The following CDH18 variants were observed in gnomAD, a reference collection of about 807,000 sequenced individuals.
CDH18 encodes cadherin-18.
CDH18 carries 31 observed loss-of-function variants against 67.9 expected under a neutral mutation model. That is an observed-to-expected ratio of 0.46 (90% CI 0.34 to 0.62). The LOEUF (loss-of-function observed/expected upper bound fraction) is 0.62. CDH18 is among the 20% of genes least tolerant of loss of function. The pLI is 0.01. For missense variants in CDH18, 890 were observed against 975.5 expected, an observed-to-expected ratio of 0.91 and a Z score of 1.17; for synonymous variants, 362 against 347.2, an observed-to-expected ratio of 1.04 and a Z score of -0.48.
At chr5:20,394,882 G>A (rs1378600617) in intron 1 of CDH18, among the ~76,000 whole-genome samples, 1 of 151,750 alleles carries the variant, frequency 6.6e-6, no homozygotes, top group African/African-American at 2.4e-5. Context: ...ACCACAATAA[G>A]ATACCACCTT....
intron 5 of CDH18, among the ~76,000 whole-genome samples, chr5:19,642,244 C>G (rs991024985): frequency 2.0e-5 from 3 of 151,908 alleles, no homozygotes; most frequent in Non-Finnish European, 4.4e-5. Flanking sequence ...GCTGCAATGT[C>G]CATGCAACCC....
chr5:20,442,019 T>C (rs1749645276), intron 1 of CDH18, among the ~76,000 whole-genome samples: 2 of 151,954 alleles, frequency 1.3e-5, no homozygotes, highest in Non-Finnish European at 1.5e-5. Context: ...AGATATTTTA[T>C]CTGTTCTGTT....
intron 1 of CDH18, among the ~76,000 whole-genome samples, chr5:20,315,684 A>G (rs1220067663): frequency 6.6e-6 from 1 of 152,094 alleles, no homozygotes; most frequent in Non-Finnish European, 1.5e-5. Context: ...CAATTAGTTC[A>G]CTGTGCTTCT....
chr5:20,329,485 GGGCATGGT>G (rs1738947551), intron 1 of CDH18, among the ~76,000 whole-genome samples: 2 of 152,102 alleles, frequency 1.3e-5, no homozygotes, highest in East Asian at 3.9e-4. Context: ...AAATGGGGCC[GGGCATGGT>G]TGCTCACGCC....
intron 5 of CDH18, among the ~76,000 whole-genome samples, chr5:19,621,372 A>G (rs116755396): frequency 5.3e-5 from 8 of 152,216 alleles, no homozygotes; most frequent in Admixed American, 1.3e-4. Context: ...GATGATAGCC[A>G]TCCTAGCTAG....
intron 2 of CDH18, among the ~76,000 whole-genome samples, chr5:19,851,733 A>T (rs1783723695): frequency 6.6e-6 from 1 of 150,734 alleles, no homozygotes. Flanking sequence ...TTACTGGGGA[A>T]TATATATGTG....
intron 1 of CDH18, among the ~76,000 whole-genome samples, chr5:20,391,670 A>G (rs1257036703): frequency 6.6e-6 from 1 of 152,038 alleles, no homozygotes; most frequent in African/African-American, 2.4e-5. Flanking sequence ...TTGTTTGCAG[A>G]CAAACAAATT....
rs865898341 is a variant in CDH18, at chr5:20,269,831, T to C, written c.-579-14326A>G. Among the ~76,000 whole-genome samples the C allele has an allele frequency of 2.0e-5, 3 of 152,044 alleles. No individual in the cohort carries two copies. In the East Asian group the frequency reaches 5.8e-4, roughly 29 times the overall value. ...CCTGATTTGACCACTAGGGAATCTA[T>C]GAATGTAACAAAATTGCACATATAC... On this transcript the variant is annotated intron_variant, in intron 1 of 14. Coordinates refer to the CDH18 transcript ENST00000507958.
chr5:20,309,707 T>C (rs1352189348), intron 1 of CDH18, among the ~76,000 whole-genome samples: 3 of 152,138 alleles, frequency 2.0e-5, no homozygotes, highest in African/African-American at 7.2e-5. Flanking sequence ...TTGGAAGCAA[T>C]TATAGTCAAC....
At chr5:19,857,846 T>A (rs1784472300) in intron 2 of CDH18, among the ~76,000 whole-genome samples, 1 of 152,192 alleles carries the variant, frequency 6.6e-6, no homozygotes, top group African/African-American at 2.4e-5. Context: ...AAAATGTTAT[T>A]TTCTCTGTTA....
intron 1 of CDH18, among the ~76,000 whole-genome samples, chr5:20,265,890 G>A (rs1744995431): frequency 6.6e-6 from 1 of 152,108 alleles, no homozygotes; most frequent in South Asian, 2.1e-4. Flanking sequence ...CTTTTGAATT[G>A]GTAGCTAGTA....
At chr5:19,489,140 AT>A (rs1740868311) in intron 11 of CDH18, among the ~76,000 whole-genome samples, 1 of 152,094 alleles carries the variant, frequency 6.6e-6, no homozygotes. Flanking sequence ...AATTATAACC[AT>A]CTTAACTGAT....
chr5:20,534,126 T>C, intron 1 of CDH18, among the ~76,000 whole-genome samples: 1 of 152,072 alleles, frequency 6.6e-6, no homozygotes, highest in East Asian at 1.9e-4. Flanking sequence ...CATCTCTCCT[T>C]GTTTGCCAAA....
chr5:20,239,370 G>T (rs1473916498), intron 2 of CDH18, among the ~76,000 whole-genome samples: 1 of 152,038 alleles, frequency 6.6e-6, no homozygotes, highest in Non-Finnish European at 1.5e-5. Context: ...GCAGGAGAAT[G>T]GCATGAACCC....
At chr5:19,580,122 G>T (rs1742994892) in intron 7 of CDH18, among the ~76,000 whole-genome samples, 1 of 151,716 alleles carries the variant, frequency 6.6e-6, no homozygotes, top group Non-Finnish European at 1.5e-5. Flanking sequence ...ATCAAACTAA[G>T]GTAATTAGCA....
At chr5:19,509,221 A>G (rs554435927) in intron 10 of CDH18, among the ~76,000 whole-genome samples, 2 of 152,092 alleles carry the variant, frequency 1.3e-5, no homozygotes, top group Admixed American at 1.3e-4. Flanking sequence ...GTTCTCACTT[A>G]TAAATGGAAG....
chr5:20,549,448 G>T (rs1757516873), intron 1 of CDH18, among the ~76,000 whole-genome samples: 1 of 152,048 alleles, frequency 6.6e-6, no homozygotes, highest in Admixed American at 6.6e-5. Flanking sequence ...GAACTGCAAA[G>T]ACTTCAATAT....
intron 2 of CDH18, among the ~76,000 whole-genome samples, chr5:19,954,248 A>G (rs1267077453): frequency 4.6e-5 from 7 of 152,076 alleles, no homozygotes; most frequent in Non-Finnish European, 8.8e-5. Flanking sequence ...AATATAATTG[A>G]TCCAATTTTA....
intron 1 of CDH18, among the ~76,000 whole-genome samples, chr5:20,556,588 C>A (rs1233915208): frequency 1.3e-5 from 2 of 152,134 alleles, no homozygotes; most frequent in East Asian, 3.9e-4. Flanking sequence ...TTACACAAAC[C>A]TAGCATATGA....
Sources: allele counts gnomAD v4.1 joint callset (sites outside exome capture counted in the v4.1 genomes callset), GRCh38; gene constraint gnomAD v4.1.1; transcripts MANE v1.5; gene names NCBI Gene and HGNC (gene_info 2026-07-23, HGNC 2026-07-21).